The following URI1 variants were observed in gnomAD, a reference collection of about 807,000 sequenced individuals.
URI1 encodes URI1 prefoldin like chaperone.
Under a neutral mutation model 60.2 loss-of-function variants are expected in URI1, and 39 were observed. The observed-to-expected ratio is 0.65, with a 90% CI of 0.50 to 0.85. The LOEUF (loss-of-function observed/expected upper bound fraction) is 0.85. Among genes scored for constraint, URI1 ranks in the 40% least tolerant of loss-of-function variants. The pLI, the probability that URI1 is intolerant of heterozygous loss-of-function variation, is 0.00. For synonymous variants in URI1, 251 were observed against 236.8 expected, an observed-to-expected ratio of 1.06 and a Z score of -0.55; for missense variants, 691 against 665.9, an observed-to-expected ratio of 1.04 and a Z score of -0.42.
At chr19:29,931,768 T>G (rs1215984083) in intron 1 of URI1, among the ~76,000 whole-genome samples, 3 of 152,330 alleles carry the variant, frequency 2.0e-5, no homozygotes, top group South Asian at 4.2e-4. Flanking sequence ...TTGATGTTAC[T>G]GTACATGGAA....
chr19:29,979,846 A>G (rs2055570625), intron 2 of URI1, among the ~76,000 whole-genome samples: 1 of 152,206 alleles, frequency 6.6e-6, no homozygotes, highest in South Asian at 2.1e-4. Flanking sequence ...AGTTACTTAT[A>G]TCAATTGAAA....
At chr19:29,923,901 G>T in intron 1 of URI1, 1 of 816,456 alleles carries the variant, frequency 1.2e-6, no homozygotes, top group Middle Eastern at 2.5e-4. Flanking sequence ...TGGAAGAGGG[G>T]CTTTATAATG....
intron 9 of URI1, among the ~76,000 whole-genome samples, 191 bp from the exon 10 acceptor site, chr19:30,012,094 T>C (rs985025656): frequency 6.6e-6 from 1 of 151,534 alleles, no homozygotes; most frequent in Non-Finnish European, 1.5e-5. Flanking sequence ...GCCAGAGAAA[T>C]AGCTTTCAAA....
At position 29,942,350 on chromosome 19, in the gene URI1, CGGG is replaced by C. The variant is rs1568406574; in HGVS notation, c.-196_-194del. The C allele has an allele frequency of 1.0e-6, 1 of 984,732 alleles. No homozygotes were observed. The highest frequency in any genetic ancestry group is 1.2e-6 in the Non-Finnish European group (1 of 829,588). The allele number at this position is 984,732 out of a possible 1,614,324, so 61.0% of individuals were successfully genotyped here. On this transcript the variant is annotated 5_prime_UTR_variant, in exon 1 of 11. Coordinates refer to ENST00000392271, the MANE Select transcript of URI1 (RefSeq NM_003796.3). The stretch of plus-strand genomic sequence containing the variant: ...GGAGCCCGCTGCGGGGCGGCGGCGG[CGGG>C]GACATGCACGTGTGAGATGCGGCAG...
chr19:29,965,354 G>A (rs192411099), intron 1 of URI1, among the ~76,000 whole-genome samples: 104 of 152,272 alleles, frequency 6.8e-4, no homozygotes, highest in African/African-American at 2.4e-3. Context: ...AGAAATGATT[G>A]ATAATCTCTG....
At chr19:29,987,854 A>G (rs1422488088) in intron 4 of URI1, among the ~76,000 whole-genome samples, 2 of 152,168 alleles carry the variant, frequency 1.3e-5, no homozygotes, top group East Asian at 3.8e-4. Context: ...AATAATTTTC[A>G]AAGTACATAT....
intron 1 of URI1, among the ~76,000 whole-genome samples, chr19:29,966,011 T>C (rs1260854761): frequency 6.6e-6 from 1 of 152,222 alleles, no homozygotes; most frequent in Non-Finnish European, 1.5e-5. Flanking sequence ...AATAAGAACA[T>C]GTAAGTGTTT....
chr19:29,924,031 C>G (rs948799174), intron 1 of URI1, among the ~76,000 whole-genome samples: 10 of 152,140 alleles, frequency 6.6e-5, no homozygotes, highest in Non-Finnish European at 1.3e-4. Flanking sequence ...GAACCAGGAG[C>G]TTCAACGTCC....
intron 3 of URI1, 91 bp from the exon 4 acceptor site, chr19:29,986,190 GT>G (rs1358271528): frequency 1.8e-4 from 229 of 1,253,778 alleles, no homozygotes; most frequent in Non-Finnish European, 1.6e-4. Flanking sequence ...AAAAAATTCA[GT>G]TATGTAAGGC....
chr19:29,929,707 T>C (rs557468679), intron 1 of URI1, among the ~76,000 whole-genome samples: 2 of 152,312 alleles, frequency 1.3e-5, no homozygotes, highest in South Asian at 4.1e-4. Flanking sequence ...ATTAGTGATA[T>C]TGAGCATCTT....
chr19:29,956,951 G>A, intron 1 of URI1: 1 of 973,242 alleles, frequency 1.0e-6, no homozygotes, highest in Non-Finnish European at 1.6e-6. Context: ...GACATTTTCT[G>A]GAATGTCAAC....
intron 4 of URI1, among the ~76,000 whole-genome samples, chr19:29,990,099 G>T (rs1037679548): frequency 2.0e-5 from 3 of 152,098 alleles, no homozygotes; most frequent in Non-Finnish European, 2.9e-5. Context: ...CATTTTTCTT[G>T]CATATGGATG....
At chr19:29,980,612 TAAAA>T (rs71333427) in intron 2 of URI1, among the ~76,000 whole-genome samples, 5 of 73,860 alleles carry the variant, frequency 6.8e-5, no homozygotes, top group African/African-American at 1.2e-4. Flanking sequence ...TTTTTTTTCT[TAAAA>T]AAAAAAAAAA....
At chr19:29,997,597 T>A (rs1407241395) in intron 4 of URI1, among the ~76,000 whole-genome samples, 1 of 151,794 alleles carries the variant, frequency 6.6e-6, no homozygotes, top group Non-Finnish European at 1.5e-5. Context: ...TTCAGTTTAC[T>A]CTTTCTTTTT....
intron 1 of URI1, among the ~76,000 whole-genome samples, chr19:29,937,000 C>T (rs1182450349): frequency 6.6e-6 from 1 of 152,212 alleles, no homozygotes; most frequent in African/African-American, 2.4e-5. Flanking sequence ...GATCCACCCT[C>T]CTCGGCCTCC....
chr19:29,994,281 T>C (rs1046217444), intron 4 of URI1, among the ~76,000 whole-genome samples: 11 of 152,128 alleles, frequency 7.2e-5, no homozygotes, highest in African/African-American at 2.7e-4. Context: ...CTAGCTAACT[T>C]ACTGTCTTTT....
At chr19:29,924,541 TC>T (rs2054849299) in intron 1 of URI1, among the ~76,000 whole-genome samples, 2 of 152,184 alleles carry the variant, frequency 1.3e-5, no homozygotes, top group Admixed American at 1.3e-4. Context: ...ATTCCCTCCC[TC>T]CCACTGTGAG....
Position 30,009,199 on chromosome 19 carries a change from G to A in URI1, c.881G>A (p.Ser294Asn). The A allele has an allele frequency of 1.9e-6, 3 of 1,609,578 alleles. No individual in the cohort carries two copies. The highest frequency in any genetic ancestry group is 2.5e-6 in the Non-Finnish European group (3 of 1,178,876). Residue 294 changes from serine (S) to asparagine (N), a missense_variant, in exon 8 of 11, where the codon AGT becomes AAT. Ser to Asn is a conservative substitution (Grantham distance 46, BLOSUM62 1). Coordinates refer to ENST00000392271, the MANE Select transcript of URI1 (RefSeq NM_003796.3). The part of the protein sequence containing the change: ...SQLNCSVNGS[S>N]SYHSDDDDDD... ...TTGAACTGTTCAGTGAATGGTTCCA[G>A]TTCTTACCACAGTGATGATGATGAT...
At chr19:30,000,817 C>T (rs1203501234) in intron 4 of URI1, among the ~76,000 whole-genome samples, 1 of 151,864 alleles carries the variant, frequency 6.6e-6, no homozygotes, top group Non-Finnish European at 1.5e-5. Context: ...GGCTTAAGTC[C>T]TCCAGCCGTG....
Sources: gnomAD v4.1 joint callset for allele counts (sites outside exome capture counted in the v4.1 genomes callset) on GRCh38, gnomAD v4.1.1 for gene constraint, MANE v1.5 for transcripts, NCBI Gene and HGNC (gene_info 2026-07-23, HGNC 2026-07-21) for gene names.